PTCHD4: variants seen among roughly 807,000 people sequenced by gnomAD.
PTCHD4 encodes patched domain containing 4.
PTCHD4 carries 33 observed loss-of-function variants against 58.1 expected under a neutral mutation model. The observed-to-expected ratio is 0.57, with a 90% confidence interval of 0.43 to 0.76. The LOEUF (loss-of-function observed/expected upper bound fraction) is 0.76, where lower values mean the gene tolerates loss of function less well. PTCHD4 is among the 30% of genes least tolerant of loss of function. The probability of loss-of-function intolerance (pLI) is 0.00; values close to 1 mark genes in which losing one functional copy is unlikely to be tolerated. For synonymous variants in PTCHD4, 478 were observed against 409.6 expected (o/e 1.17, Z -2.02); for missense variants, 1,058 against 1,027.1 (o/e 1.03, Z -0.41).
intron 1 of PTCHD4, among the ~76,000 whole-genome samples, chr6:48,079,235 C>T (rs748926541): frequency 1.3e-5 from 2 of 152,006 alleles, no homozygotes; most frequent in Non-Finnish European, 2.9e-5. Context: ...AGAGAGAAAC[C>T]TGCTTATTAA....
At chr6:48,019,869 T>A (rs2114108597) in intron 3 of PTCHD4, among the ~76,000 whole-genome samples, 1 of 152,284 alleles carries the variant, frequency 6.6e-6, no homozygotes, top group South Asian at 2.1e-4. Flanking sequence ...CTTAGCTGAG[T>A]CCTGAATCAT....
intron 4 of PTCHD4, among the ~76,000 whole-genome samples, chr6:47,907,273 A>G (rs1299114761): frequency 1.3e-5 from 2 of 152,188 alleles, no homozygotes; most frequent in Non-Finnish European, 2.9e-5. Context: ...ATTATTTTAC[A>G]TTAGTCCAGG....
chr6:48,019,379 G>T (rs568529418), intron 3 of PTCHD4, among the ~76,000 whole-genome samples: 2 of 151,560 alleles, frequency 1.3e-5, no homozygotes, highest in East Asian at 1.9e-4. Flanking sequence ...TACAGTGCCT[G>T]TCTTCAAAGG....
chr6:48,056,835 C>T (rs1274135274), intron 3 of PTCHD4, among the ~76,000 whole-genome samples: 1 of 152,162 alleles, frequency 6.6e-6, no homozygotes, highest in Non-Finnish European at 1.5e-5. Flanking sequence ...GCACTGGTGA[C>T]CATGTGACAC....
intron 3 of PTCHD4, among the ~76,000 whole-genome samples, chr6:48,061,788 G>A (rs907582987): frequency 2.6e-5 from 4 of 152,154 alleles, no homozygotes; most frequent in Admixed American, 6.5e-5. Flanking sequence ...GCATGCCAGG[G>A]CTGTTGTAAA....
At chr6:48,061,761 A>G (rs1047469012) in intron 3 of PTCHD4, among the ~76,000 whole-genome samples, 21 of 152,182 alleles carry the variant, frequency 1.4e-4, no homozygotes, top group Non-Finnish European at 2.8e-4. Flanking sequence ...AGTCAGAACC[A>G]TTGCCTAAAT....
rs188775454 is a variant in PTCHD4 at position 47,872,408 on chromosome 6, G to T, written c.*5895C>A. 1.9e-3 allele frequency among the ~76,000 whole-genome samples: 290 copies of T among 151,732 alleles called. No individual in the cohort carries two copies. Among genetic ancestry groups the T allele is most frequent in the Admixed American group, 2.6e-3 (40 of 15,186 alleles). On this transcript the variant is annotated 3_prime_UTR_variant, in exon 5 of 5. Transcript: ENST00000339488. ...TGTGGCAACAGAGGGAAAGAAAACCGTAATGCTCCTCTATTAGACCATGCC... is the reference window on the plus strand; with the variant it reads ...TGTGGCAACAGAGGGAAAGAAAACCTTAATGCTCCTCTATTAGACCATGCC...
chr6:48,082,595 C>T (rs1765187193), intron 1 of PTCHD4, among the ~76,000 whole-genome samples: 1 of 152,140 alleles, frequency 6.6e-6, no homozygotes, highest in African/African-American at 2.4e-5. Context: ...AGTTATACTC[C>T]CAAGATGCCA....
At chr6:48,014,613 T>C (rs1762803694) in intron 3 of PTCHD4, among the ~76,000 whole-genome samples, 2 of 152,196 alleles carry the variant, frequency 1.3e-5, no homozygotes, top group South Asian at 4.1e-4. Context: ...GTTTACATAA[T>C]AATTAAGTAA....
At chr6:47,883,499 A>G (rs1265220221) in intron 4 of PTCHD4, among the ~76,000 whole-genome samples, 2 of 152,206 alleles carry the variant, frequency 1.3e-5, no homozygotes, top group African/African-American at 2.4e-5. Context: ...CTGCTAATGC[A>G]TTTAGAATGT....
intron 1 of PTCHD4, among the ~76,000 whole-genome samples, chr6:48,103,528 TA>T (rs1369669090): frequency 6.6e-6 from 1 of 151,896 alleles, no homozygotes; most frequent in African/African-American, 2.4e-5. Context: ...CCAGAAACTC[TA>T]AAAATCAGAG....
intron 1 of PTCHD4, among the ~76,000 whole-genome samples, chr6:48,098,618 C>T (rs927902412): frequency 2.6e-5 from 4 of 152,202 alleles, no homozygotes; most frequent in Admixed American, 1.3e-4. Flanking sequence ...GGATTACAGG[C>T]GTGGGCCACT....
At chr6:48,060,929 C>T (rs1432487450) in intron 3 of PTCHD4, among the ~76,000 whole-genome samples, 1 of 152,192 alleles carries the variant, frequency 6.6e-6, no homozygotes, top group African/African-American at 2.4e-5. Context: ...CATCAGGCAC[C>T]TTTCAGAGGC....
At chr6:48,053,984 C>G (rs946398604) in intron 3 of PTCHD4, among the ~76,000 whole-genome samples, 1 of 152,064 alleles carries the variant, frequency 6.6e-6, no homozygotes, top group Non-Finnish European at 1.5e-5. Context: ...CCTCTCATCC[C>G]GTCCACAAAA....
At chr6:48,043,871 T>C (rs1302436843) in intron 3 of PTCHD4, among the ~76,000 whole-genome samples, 1 of 151,864 alleles carries the variant, frequency 6.6e-6, no homozygotes, top group Non-Finnish European at 1.5e-5. Context: ...CTATTTAACC[T>C]GGAGGCAGAA....
intron 4 of PTCHD4, among the ~76,000 whole-genome samples, chr6:47,955,042 C>T (rs140090135): frequency 1.3e-5 from 2 of 152,184 alleles, no homozygotes; most frequent in South Asian, 4.2e-4. Flanking sequence ...ATGATTTACA[C>T]TCAGTCTCTG....
intron 1 of PTCHD4, among the ~76,000 whole-genome samples, chr6:48,079,970 ATTT>A (rs141629864): frequency 0.023 from 1,702 of 75,150 alleles, 4 homozygotes; most frequent in Non-Finnish European, 0.037. Flanking sequence ...CCTTATGATG[ATTT>A]TTTTTTTTTT....
chr6:47,959,940 C>A (rs541476524), intron 4 of PTCHD4, among the ~76,000 whole-genome samples: 143 of 149,986 alleles, frequency 9.5e-4, no homozygotes, highest in African/African-American at 3.0e-3. Flanking sequence ...CAAAAAAAAA[C>A]CCCAGAGTTT....
At chr6:47,902,049 C>G in intron 4 of PTCHD4, 1 of 538,680 alleles carries the variant, frequency 1.9e-6, no homozygotes, top group Non-Finnish European at 3.1e-6. Flanking sequence ...TTATCACCAT[C>G]ATCAACAACA....
Sources: gnomAD v4.1 joint callset for allele counts (sites outside exome capture counted in the v4.1 genomes callset) on GRCh38, gnomAD v4.1.1 for gene constraint, MANE v1.5 for transcripts, NCBI Gene and HGNC (gene_info 2026-07-23, HGNC 2026-07-21) for gene names.